Variants in AP3S1 observed in about 807,000 individuals in gnomAD.
The protein encoded by AP3S1 is AP-3 complex subunit sigma-1.
A neutral mutation model predicts 21.3 loss-of-function variants in AP3S1; 12 were observed. The observed-to-expected ratio is 0.56, with a 90% confidence interval of 0.36 to 0.91. The LOEUF (loss-of-function observed/expected upper bound fraction) is 0.91, where lower values mean the gene tolerates loss of function less well. Ranked by LOEUF, AP3S1 falls within the 40% of genes least tolerant of loss-of-function variation. The pLI is 0.01. For missense variants in AP3S1, 116 were observed against 225.0 expected (o/e 0.52, Z 3.10); for synonymous variants, 48 against 78.4 (o/e 0.61, Z 2.05).
At chr5:115,842,790 G>A (rs114783079) in intron 1 of AP3S1, among the ~76,000 whole-genome samples, 1,525 of 152,256 alleles carry the variant, frequency 0.01, 9 homozygotes, top group Middle Eastern at 0.058. Flanking sequence ...TTTTTATCAG[G>A]CTTTTTACCA....
chr5:115,886,766 A>G (rs761510558), intron 3 of AP3S1, among the ~76,000 whole-genome samples: 6 of 152,188 alleles, frequency 3.9e-5, no homozygotes, highest in African/African-American at 7.2e-5. Flanking sequence ...TTAACTTTCT[A>G]TAAATCACAG....
intron 5 of AP3S1, chr5:115,903,466 GT>G (rs1246636455): frequency 1.3e-5 from 2 of 152,628 alleles, no homozygotes; most frequent in African/African-American, 2.4e-5. Flanking sequence ...TATTTTGAAT[GT>G]TTGAGTTCAC....
At chr5:115,845,347 CATTT>C (rs1377066223) in intron 1 of AP3S1, among the ~76,000 whole-genome samples, 5 of 152,146 alleles carry the variant, frequency 3.3e-5, no homozygotes, top group African/African-American at 1.2e-4. Flanking sequence ...TTTCATTCCT[CATTT>C]ATCTCCCTCA....
At chr5:115,903,082 A>G (rs1580740190) in intron 5 of AP3S1, 90 bp downstream of exon 5, 3 of 942,338 alleles carry the variant, frequency 3.2e-6, no homozygotes, top group Non-Finnish European at 4.9e-6. Context: ...GTCCTTCAGT[A>G]TCACCCTTTA....
At chr5:115,910,943 C>T (rs1213606529) in intron 5 of AP3S1, among the ~76,000 whole-genome samples, 1 of 152,124 alleles carries the variant, frequency 6.6e-6, no homozygotes, top group Non-Finnish European at 1.5e-5. Context: ...CCTCCTAATT[C>T]ATTTGCGTGT....
intron 1 of AP3S1, among the ~76,000 whole-genome samples, chr5:115,863,235 A>G (rs192438570): frequency 2.5e-4 from 38 of 152,158 alleles, no homozygotes; most frequent in African/African-American, 8.2e-4. Flanking sequence ...CGTCTCTACT[A>G]AAAATACAAA....
intron 4 of AP3S1, among the ~76,000 whole-genome samples, chr5:115,901,048 AAC>A (rs1412125940): frequency 3.9e-5 from 6 of 152,232 alleles, no homozygotes; most frequent in African/African-American, 1.4e-4. Flanking sequence ...TGCTCTTACC[AAC>A]ACAGTTTCAT....
intron 1 of AP3S1, among the ~76,000 whole-genome samples, chr5:115,856,032 A>G (rs1259687794): frequency 6.6e-6 from 1 of 152,164 alleles, no homozygotes; most frequent in African/African-American, 2.4e-5. Context: ...ATTAAGAAAT[A>G]TTAAAATAAT....
chr5:115,903,894 C>A (rs1046621479), intron 5 of AP3S1: 1 of 151,666 alleles, frequency 6.6e-6, no homozygotes, highest in East Asian at 1.9e-4. Flanking sequence ...ATGGTGAAAC[C>A]CCATCTCTAC....
At chr5:115,850,956 T>C (rs1226066300) in intron 1 of AP3S1, among the ~76,000 whole-genome samples, 1 of 152,210 alleles carries the variant, frequency 6.6e-6, no homozygotes, top group Non-Finnish European at 1.5e-5. Flanking sequence ...CTCACTAGTT[T>C]ATAGAAATAA....
chr5:115,871,464 C>G (rs1238016411), intron 3 of AP3S1, among the ~76,000 whole-genome samples: 1 of 152,150 alleles, frequency 6.6e-6, no homozygotes, highest in African/African-American at 2.4e-5. Context: ...TAGATTTTAT[C>G]TTTGTCTAAA....
At chr5:115,887,406 A>G (rs916233414) in intron 3 of AP3S1, among the ~76,000 whole-genome samples, 6 of 151,198 alleles carry the variant, frequency 4.0e-5, no homozygotes, top group African/African-American at 1.5e-4. Context: ...AAACAGCAGG[A>G]TCTGTTTCTC....
intron 3 of AP3S1, among the ~76,000 whole-genome samples, chr5:115,888,847 A>G (rs1408564141): frequency 3.3e-5 from 5 of 152,164 alleles, no homozygotes; most frequent in African/African-American, 1.2e-4. Flanking sequence ...CATTTATTAA[A>G]TGGGTCTTCG....
intron 3 of AP3S1, among the ~76,000 whole-genome samples, chr5:115,889,180 T>C (rs575702297): frequency 1.3e-5 from 2 of 152,272 alleles, no homozygotes; most frequent in South Asian, 4.1e-4. Context: ...CTGCTGATCT[T>C]TTATAAATAC....
In AP3S1 at chr5:115,863,964, T is replaced by C. The variant is rs148367789; in HGVS notation, c.70-2706T>C. ...CCATTGCAGAGAAAAGATGTCTGCC[T>C]GAACAGATTTTTAATGCAGACGAAA... On this transcript the variant is annotated intron_variant, in intron 1 of 5. Transcript: ENST00000316788. Among the ~76,000 whole-genome samples, 772 of 152,304 alleles carry C rather than the reference T, an allele frequency of 5.1e-3. 2 individuals carry two copies. The highest frequency in any genetic ancestry group is 7.2e-3 in the South Asian group (35 of 4,828).
intron 3 of AP3S1, among the ~76,000 whole-genome samples, chr5:115,884,722 C>T (rs902743245): frequency 1.3e-5 from 2 of 152,196 alleles, no homozygotes; most frequent in African/African-American, 4.8e-5. Context: ...TCTTTCTAAA[C>T]TTAACATGAA....
intron 1 of AP3S1, among the ~76,000 whole-genome samples, chr5:115,853,317 G>T (rs1169054181): frequency 6.6e-6 from 1 of 152,030 alleles, no homozygotes; most frequent in African/African-American, 2.4e-5. Flanking sequence ...TTTTTAAGTT[G>T]TCTTTTTATT....
At chr5:115,889,910 G>A (rs1006805136) in intron 3 of AP3S1, among the ~76,000 whole-genome samples, 10 of 152,092 alleles carry the variant, frequency 6.6e-5, no homozygotes, top group African/African-American at 2.2e-4. Context: ...GAAAAGGTAC[G>A]CAGTCTTATA....
chr5:115,897,842 G>A (rs1580729138), intron 4 of AP3S1, among the ~76,000 whole-genome samples: 1 of 152,028 alleles, frequency 6.6e-6, no homozygotes, highest in Non-Finnish European at 1.5e-5. Flanking sequence ...GATTGCAGGT[G>A]TGAGCCACCA....
Sources: gnomAD v4.1 joint callset for allele counts (sites outside exome capture counted in the v4.1 genomes callset) on GRCh38, gnomAD v4.1.1 for gene constraint, MANE v1.5 for transcripts, NCBI Gene and HGNC (gene_info 2026-07-23, HGNC 2026-07-21) for gene names.